CEP63: variants seen among roughly 807,000 people sequenced by gnomAD.
CEP63 encodes centrosomal protein of 63 kDa.
A neutral mutation model predicts 89.1 loss-of-function variants in CEP63; 84 were observed. That is an observed-to-expected ratio of 0.94 (90% CI 0.79 to 1.13). The LOEUF (loss-of-function observed/expected upper bound fraction) is 1.13. Among genes scored for constraint, CEP63 ranks in the 50% most tolerant of loss-of-function variants. The probability of loss-of-function intolerance (pLI) is 0.00; values close to 1 mark genes in which losing one functional copy is unlikely to be tolerated. For missense variants in CEP63, 838 were observed against 813.3 expected (o/e 1.03, Z -0.37); for synonymous variants, 267 against 272.5 (o/e 0.98, Z 0.20).
In CEP63 at chr3:134,584,968, T is replaced by TG. The variant is rs778468921; in HGVS notation, c.1207-2490_1207-2489insG. 5.3e-3 allele frequency among the ~76,000 whole-genome samples: 781 copies of TG among 147,698 alleles called. 22 individuals carry two copies. Among genetic ancestry groups the TG allele is most frequent in the East Asian group, 0.019 (97 of 5,018 alleles). On this transcript the variant is annotated intron_variant, in intron 10 of 10. Coordinates refer to the CEP63 transcript ENST00000683931. ...TAGATTTTCTAGGGTTTTTTTTTTT[T>TG]TTTTTTGCATGGAGGTGTTTATAGT...
chr3:134,535,332 C>T (rs2109149409), intron 5 of CEP63: 1 of 152,328 alleles, frequency 6.6e-6, no homozygotes, highest in East Asian at 1.9e-4. Flanking sequence ...TTATCTTCCT[C>T]ATCCTACCTA....
At chr3:134,752,564 C>T in the CEP63 span, among the ~76,000 whole-genome samples, 1 of 152,138 alleles carries the variant, frequency 6.6e-6, no homozygotes, top group Non-Finnish European at 1.5e-5. Flanking sequence ...CAGATGATTA[C>T]ATACATAGAC....
intron 1 of CEP63, among the ~76,000 whole-genome samples, chr3:134,490,264 G>GT (rs1234878930): frequency 1.3e-5 from 2 of 152,076 alleles, no homozygotes; most frequent in East Asian, 1.9e-4. Flanking sequence ...TAATTTTACA[G>GT]TTTTTTCACA....
chr3:134,726,869 C>T, the CEP63 span, among the ~76,000 whole-genome samples: 11 of 152,126 alleles, frequency 7.2e-5, no homozygotes, highest in South Asian at 2.1e-4. Flanking sequence ...GGCCGGAGCA[C>T]GGGGCTAGCA....
intron 1 of CEP63, among the ~76,000 whole-genome samples, chr3:134,494,709 A>G (rs889981669): frequency 2.0e-5 from 3 of 152,144 alleles, no homozygotes; most frequent in African/African-American, 7.2e-5. Flanking sequence ...CTCCTATGAA[A>G]GAACGTATTA....
the CEP63 span, among the ~76,000 whole-genome samples, chr3:134,689,664 G>A: frequency 1.8e-4 from 27 of 152,090 alleles, no homozygotes; most frequent in African/African-American, 6.5e-4. Context: ...ATGTTGGTTA[G>A]GCTGGTCTTG....
chr3:134,562,228 A>G lies in CEP63; in HGVS notation c.*693A>G, dbSNP rs1480855431. On this transcript the variant is annotated 3_prime_UTR_variant, in exon 15 of 15. Transcript: ENST00000675561. ...TCTGCACTGCTGAGGACAAGTTTAG[A>G]TGGGAGACAAAGATCTGGATGTTGA... is the stretch of plus-strand genomic sequence containing the variant. 2 of 985,316 alleles carry G rather than the reference A, an allele frequency of 2.0e-6. No individual in the cohort carries two copies. Among genetic ancestry groups the G allele is most frequent in the East Asian group, 2.3e-4 (2 of 8,806 alleles). The allele number at this position is 985,316 out of a possible 1,614,324, so 61.0% of individuals were successfully genotyped here.
the CEP63 span, among the ~76,000 whole-genome samples, chr3:134,598,351 C>T: frequency 1.3e-5 from 2 of 152,258 alleles, no homozygotes; most frequent in African/African-American, 2.4e-5. Context: ...TGCTTCTTTC[C>T]GATTCCCTAT....
intron 5 of CEP63, chr3:134,536,715 A>G (rs1193532822): frequency 8.2e-6 from 2 of 243,210 alleles, no homozygotes; most frequent in Non-Finnish European, 1.6e-5. Flanking sequence ...TTACCAAGGG[A>G]CTTATCTGAA....
chr3:134,608,048 G>T, the CEP63 span: 1 of 1,070,620 alleles, frequency 9.3e-7, no homozygotes, highest in Non-Finnish European at 1.1e-6. Context: ...AAGGAAGTCT[G>T]CCCCAACTCT....
the CEP63 span, among the ~76,000 whole-genome samples, chr3:134,649,420 C>T: frequency 2.0e-5 from 3 of 152,124 alleles, no homozygotes; most frequent in Admixed American, 2.0e-4. Context: ...GTAGGGGACT[C>T]GTGGGCTGAC....
the CEP63 span, among the ~76,000 whole-genome samples, chr3:134,595,283 G>A: frequency 1.3e-5 from 2 of 152,228 alleles, no homozygotes; most frequent in South Asian, 4.1e-4. Context: ...CCTTGCTGCC[G>A]CCATGAGAAG....
chr3:134,703,002 A>G, the CEP63 span, among the ~76,000 whole-genome samples: 22 of 152,162 alleles, frequency 1.4e-4, no homozygotes, highest in African/African-American at 5.3e-4. Context: ...AGTCTATTAA[A>G]AAGATACATG....
At chr3:134,601,198 C>T in the CEP63 span, 4 of 152,122 alleles carry the variant, frequency 2.6e-5, no homozygotes, top group Non-Finnish European at 4.4e-5. Context: ...GAAAGAAATG[C>T]AGGTGATTTT....
the CEP63 span, among the ~76,000 whole-genome samples, chr3:134,697,146 C>G: frequency 0.011 from 1,719 of 152,302 alleles, 16 homozygotes; most frequent in Middle Eastern, 0.034. Flanking sequence ...GTGAACACAG[C>G]AGCTATCTTC....
chr3:134,747,988 A>T, the CEP63 span, among the ~76,000 whole-genome samples: 53 of 152,064 alleles, frequency 3.5e-4, no homozygotes, highest in African/African-American at 1.3e-3. Context: ...GTTTCACCAT[A>T]TTGGCCAGGC....
chr3:134,690,836 C>T, the CEP63 span, among the ~76,000 whole-genome samples: 5 of 150,862 alleles, frequency 3.3e-5, no homozygotes, highest in African/African-American at 1.2e-4. Context: ...GCAACCTCCA[C>T]CTCCTGGGTT....
the CEP63 span, chr3:134,779,634 C>T: frequency 6.6e-6 from 1 of 152,180 alleles, no homozygotes; most frequent in East Asian, 1.9e-4. Context: ...GTGACTAAGT[C>T]CTCACTAGTG....
At chr3:134,764,506 G>T in the CEP63 span, among the ~76,000 whole-genome samples, 1 of 152,136 alleles carries the variant, frequency 6.6e-6, no homozygotes, top group Non-Finnish European at 1.5e-5. Context: ...TCGGTCATCA[G>T]TTCTGCTGCA....
Sources: allele counts gnomAD v4.1 joint callset (sites outside exome capture counted in the v4.1 genomes callset), GRCh38; gene constraint gnomAD v4.1.1; transcripts MANE v1.5; gene names NCBI Gene and HGNC (gene_info 2026-07-23, HGNC 2026-07-21).